Variants in PGAM5 observed in about 807,000 individuals in gnomAD.
PGAM5 encodes serine/threonine-protein phosphatase PGAM5, mitochondrial.
Under a neutral mutation model 30.6 loss-of-function variants are expected in PGAM5, and 25 were observed. That is an observed-to-expected ratio of 0.82 (90% CI 0.60 to 1.14). The LOEUF is 1.14. Among genes scored for constraint, PGAM5 ranks in the 50% most tolerant of loss-of-function variants. The pLI is 0.00. For missense variants in PGAM5, 384 were observed against 408.5 expected (o/e 0.94, Z 0.52); for synonymous variants, 201 against 179.1 (o/e 1.12, Z -0.98).
chr12:132,715,724 C>T (rs1330616986), intron 2 of PGAM5, among the ~76,000 whole-genome samples: 1 of 152,160 alleles, frequency 6.6e-6, no homozygotes, highest in East Asian at 1.9e-4. Context: ...ACTAAAAGTA[C>T]AAAAATTAGC....
chr12:132,718,854 A>G (rs1347161842), intron 5 of PGAM5: 1 of 1,612,884 alleles, frequency 6.2e-7, no homozygotes, highest in African/African-American at 1.3e-5. Flanking sequence ...CCCGTGTGCC[A>G]GCGTGACGGC....
In PGAM5 at chr12:132,711,767, G is replaced by C. The variant is rs566993907; in HGVS notation, c.191+700G>C. On this transcript the variant is annotated intron_variant, in intron 1 of 5. Transcript: ENST00000498926. Reference sequence around the variant, plus strand: ...ATCCCGCCACTTCACTCCAGCCTGAGCAACAGAGCCTGTCTCAAAGGAAAA... The same window carrying C: ...ATCCCGCCACTTCACTCCAGCCTGACCAACAGAGCCTGTCTCAAAGGAAAA... 2.0e-5 allele frequency: 3 copies of C among 151,186 alleles called. No individual in the cohort carries two copies. In the South Asian group the frequency reaches 6.2e-4, roughly 31 times the overall value. 9.4% of individuals were successfully genotyped at this position (151,186 alleles called of 1,614,324 possible). A position where few individuals can be genotyped will look rare whatever the true frequency, so the allele number is the denominator to read the frequency against.
At chr12:132,719,638 C>T (rs1275405428) in intron 5 of PGAM5, among the ~76,000 whole-genome samples, 4 of 152,180 alleles carry the variant, frequency 2.6e-5, no homozygotes, top group African/African-American at 4.8e-5. Flanking sequence ...CAGAAATAAC[C>T]GGGGCGGGAG....
intron 1 of PGAM5, among the ~76,000 whole-genome samples, chr12:132,712,427 G>C (rs1219300277): frequency 3.9e-5 from 6 of 152,178 alleles, no homozygotes; most frequent in Non-Finnish European, 7.3e-5. Flanking sequence ...CTCATGATTA[G>C]ACTGGAGTTA....
intron 1 of PGAM5, chr12:132,711,540 C>T (rs1427951783): frequency 6.6e-6 from 1 of 152,236 alleles, no homozygotes; most frequent in African/African-American, 2.4e-5. Flanking sequence ...GTAATCCCAG[C>T]GTTTGGGAGG....
intron 2 of PGAM5, among the ~76,000 whole-genome samples, chr12:132,717,083 G>A (rs2043585365): frequency 6.6e-6 from 1 of 152,228 alleles, no homozygotes; most frequent in Admixed American, 6.5e-5. Flanking sequence ...GTTGAGTGAG[G>A]GTGACAAGGG....
At chr12:132,717,090 A>AG (rs1174435969) in intron 2 of PGAM5, among the ~76,000 whole-genome samples, 1 of 152,182 alleles carries the variant, frequency 6.6e-6, no homozygotes, top group African/African-American at 2.4e-5. Flanking sequence ...GAGGGTGACA[A>AG]GGGGGGACCC....
chr12:132,718,990 T>C, intron 5 of PGAM5: 1 of 1,449,392 alleles, frequency 6.9e-7, no homozygotes, highest in Non-Finnish European at 9.0e-7. Flanking sequence ...CACAGAATGA[T>C]CCGGGTTCAG....
At position 132,720,193 on chromosome 12, in the gene PGAM5, G is replaced by A. The variant is rs558843454; in HGVS notation, c.720-485G>A. 6.6e-5 allele frequency among the ~76,000 whole-genome samples: 10 copies of A among 151,762 alleles called. 1 individual carries two copies. Among genetic ancestry groups the A allele is most frequent in the South Asian group, 2.1e-4 (1 of 4,806 alleles). ...GAGCGGCTCGGCTGATGTGTACCCCGGCCCTGAGGCTGCTCTGAGACTTCT... is the reference window on the plus strand; with the variant it reads ...GAGCGGCTCGGCTGATGTGTACCCCAGCCCTGAGGCTGCTCTGAGACTTCT... On this transcript the variant is annotated intron_variant, in intron 5 of 5. Coordinates refer to ENST00000498926, the MANE Select transcript of PGAM5 (RefSeq NM_001170543.2).
Position 132,722,568 on chromosome 12 carries a change from ATGT to A in PGAM5, c.*1744_*1746del, listed in dbSNP as rs1437575208. ...TGGCCAGGGATTAAAATATTCAAAC[ATGT>A]TGTGTGTACCCAGATATGCTGTTAA... On this transcript the variant is annotated 3_prime_UTR_variant, in exon 6 of 6. Coordinates refer to ENST00000498926, the MANE Select transcript of PGAM5 (RefSeq NM_001170543.2). The A allele has an allele frequency of 1.3e-5, 2 of 151,956 alleles. No individual in the cohort carries two copies. Among genetic ancestry groups the A allele is most frequent in the Admixed American group, 6.6e-5 (1 of 15,246 alleles). 9.4% of individuals were successfully genotyped at this position (151,956 alleles called of 1,614,324 possible).
intron 1 of PGAM5, chr12:132,714,610 G>T (rs1194104552): frequency 2.0e-5 from 9 of 440,488 alleles, no homozygotes; most frequent in Non-Finnish European, 3.7e-5. Flanking sequence ...CATTAGAGAA[G>T]AAGATGCACA....
chr12:132,717,130 C>T (rs1008418809), intron 2 of PGAM5, among the ~76,000 whole-genome samples: 1 of 152,228 alleles, frequency 6.6e-6, no homozygotes, highest in Non-Finnish European at 1.5e-5. Context: ...CACCAAGCGC[C>T]AGCCACCATC....
Position 132,722,605 on chromosome 12 carries a change from A to G in PGAM5, c.*1777A>G, listed in dbSNP as rs1229279430. On this transcript the variant is annotated 3_prime_UTR_variant, in exon 6 of 6. Transcript: ENST00000498926. Reference sequence around the variant, plus strand: ...CCCAGATATGCTGTTAATTTAGGAAAAACAGTACAATTTCTATGAAGTGGT... The same window carrying G: ...CCCAGATATGCTGTTAATTTAGGAAGAACAGTACAATTTCTATGAAGTGGT... The G allele has an allele frequency of 1.3e-5, 2 of 152,164 alleles. No homozygotes were observed. The highest frequency in any genetic ancestry group is 4.8e-5 in the African/African-American group (2 of 41,418). 9.4% of individuals were successfully genotyped at this position (152,164 alleles called of 1,614,324 possible).
chr12:132,717,625 G>A (rs550004150), intron 3 of PGAM5, 61 bp downstream of exon 3: 23 of 1,595,666 alleles, frequency 1.4e-5, no homozygotes, highest in Admixed American at 1.2e-4. Context: ...GCAGGGCCCC[G>A]GCCTGAGCTC....
At position 132,722,230 on chromosome 12, in the gene PGAM5, G is replaced by A. The variant is rs1438071227; in HGVS notation, c.*1402G>A. ...CTCCAGTTAATCTTTTATGCTTAGG[G>A]ATTAAATGTGTGGTTTTTTTTTTGT... On this transcript the variant is annotated 3_prime_UTR_variant, in exon 6 of 6. Transcript: ENST00000498926. 6.7e-6 allele frequency: 1 copy of A among 150,318 alleles called. No homozygotes were observed. 9.3% of individuals were successfully genotyped at this position (150,318 alleles called of 1,614,324 possible). A position where few individuals can be genotyped will look rare whatever the true frequency, so the allele number is the denominator to read the frequency against.
At chr12:132,715,491 A>G (rs574072210) in intron 2 of PGAM5, among the ~76,000 whole-genome samples, 1,994 of 150,028 alleles carry the variant, frequency 0.013, 20 homozygotes, top group Non-Finnish European at 0.021. Context: ...GAATGGTGTG[A>G]ACCCTGGAGG....
intron 5 of PGAM5, among the ~76,000 whole-genome samples, chr12:132,720,098 T>TGTTGATCCCAGTCATCGATTCAC (rs2043627608): frequency 6.7e-6 from 1 of 148,804 alleles, no homozygotes; most frequent in Non-Finnish European, 1.5e-5. Flanking sequence ...GCTCCATTCA[T>TGTTGATCCCAGTCATCGATTCAC]GTCGATCCCA....
intron 5 of PGAM5, among the ~76,000 whole-genome samples, chr12:132,718,415 G>GCGTCCGCACTGCCCTGGTTGTTTTCCCTT (rs1385558344): frequency 2.1e-5 from 1 of 47,358 alleles, no homozygotes. Context: ...TGCGTGCTGG[G>GCGTCCGCACTGCCCTGGTTGTTTTCCCTT]TGGGGGTGTC....
Position 132,722,061 on chromosome 12 carries a change from G to A in PGAM5, c.*1233G>A, listed in dbSNP as rs2043650405. 1 of 152,166 alleles carries A rather than the reference G, an allele frequency of 6.6e-6. No homozygotes were observed. Among genetic ancestry groups the A allele is most frequent in the Non-Finnish European group, 1.5e-5 (1 of 68,088 alleles). The allele number at this position is 152,166 out of a possible 1,614,324, so 9.4% of individuals were successfully genotyped here. On this transcript the variant is annotated 3_prime_UTR_variant, in exon 6 of 6. Coordinates refer to ENST00000498926, the MANE Select transcript of PGAM5 (RefSeq NM_001170543.2). ...TGCACAGGTGACTGGATGGGGGAGGGGCAGGTGAGGTGGGTCTACAGAGGT... is the reference window on the plus strand; with the variant it reads ...TGCACAGGTGACTGGATGGGGGAGGAGCAGGTGAGGTGGGTCTACAGAGGT...
Sources: gnomAD v4.1 joint callset for allele counts (sites outside exome capture counted in the v4.1 genomes callset) on GRCh38, gnomAD v4.1.1 for gene constraint, MANE v1.5 for transcripts, NCBI Gene and HGNC (gene_info 2026-07-23, HGNC 2026-07-21) for gene names.